Variants in SIPA1L2 observed in about 807,000 individuals in gnomAD.
SIPA1L2 encodes the protein signal-induced proliferation-associated 1-like protein 2.
A neutral mutation model predicts 163.9 loss-of-function variants in SIPA1L2; 56 were observed. The observed-to-expected ratio is 0.34, with a 90% CI of 0.28 to 0.43. The LOEUF (loss-of-function observed/expected upper bound fraction) is 0.43. Among genes scored for constraint, SIPA1L2 ranks in the 20% least tolerant of loss-of-function variants. The pLI is 1.00. For missense variants in SIPA1L2, 1,974 were observed against 2,193.5 expected (o/e 0.90, Z 2.00); for synonymous variants, 877 against 865.7 (o/e 1.01, Z -0.23).
At chr1:232,481,518 G>A (rs1665358210) in intron 6 of SIPA1L2, among the ~76,000 whole-genome samples, 1 of 152,148 alleles carries the variant, frequency 6.6e-6, no homozygotes, top group South Asian at 2.1e-4. Context: ...TCTTTCTCAA[G>A]CCATACTAAA....
intron 3 of SIPA1L2, among the ~76,000 whole-genome samples, chr1:232,494,351 G>A (rs922617755): frequency 1.3e-5 from 2 of 152,148 alleles, no homozygotes; most frequent in African/African-American, 4.8e-5. Flanking sequence ...ACATGGAAAG[G>A]GTGGCACCTG....
Position 232,582,020 on chromosome 1 carries a change from C to T in SIPA1L2, c.-318-7798G>A, listed in dbSNP as rs532184373. ...TGTAACTTCTTGATAGATATGTCTG[C>T]AACCTTCAACTGTGAATTCTTAATG... On this transcript the variant is annotated intron_variant, in intron 1 of 22. Coordinates refer to ENST00000674635, the MANE Select transcript of SIPA1L2 (RefSeq NM_020808.5). Among the ~76,000 whole-genome samples the T allele has an allele frequency of 3.9e-5, 6 of 152,306 alleles. No homozygotes were observed. In the South Asian group the frequency reaches 1.2e-3, roughly 32 times the overall value.
At chr1:232,466,002 A>C (rs1379445362) in intron 8 of SIPA1L2, among the ~76,000 whole-genome samples, 2 of 152,084 alleles carry the variant, frequency 1.3e-5, no homozygotes, top group African/African-American at 4.8e-5. Context: ...TAGAACTCTG[A>C]GAAAATAAAA....
At chr1:232,621,398 T>C (rs1215164988) in intron 1 of SIPA1L2, among the ~76,000 whole-genome samples, 1 of 152,164 alleles carries the variant, frequency 6.6e-6, no homozygotes, top group African/African-American at 2.4e-5. Context: ...GTCTTTTCAT[T>C]CTTTCCTTTC....
intron 16 of SIPA1L2, 42 bp downstream of exon 16, chr1:232,432,205 A>G (rs753797844): frequency 1.4e-5 from 21 of 1,536,612 alleles, no homozygotes; most frequent in Non-Finnish European, 1.5e-5. Context: ...CAATCCCTAC[A>G]GTGAAAAATG....
At chr1:232,483,748 T>C in intron 6 of SIPA1L2, 44 bp downstream of exon 6, 1 of 1,608,838 alleles carries the variant, frequency 6.2e-7, no homozygotes, top group Non-Finnish European at 8.5e-7. Flanking sequence ...CATGCCTACC[T>C]TTGGAGAATT....
In SIPA1L2 at chr1:232,425,599, C is replaced by A. The variant is rs1467888022; in HGVS notation, c.4620G>T (p.Gly1540=). 2.5e-6 allele frequency: 4 copies of A among 1,587,198 alleles called. No homozygotes were observed. Among genetic ancestry groups the A allele is most frequent in the Non-Finnish European group, 3.4e-6 (4 of 1,164,612 alleles). ...PPRAHPAPSM[G]SLRNEFWFSD... is the part of the protein sequence containing the mutation. ...CAGCCCCTCACTTACTTCTCAGGCT[C>A]CCCATGCTGGGTGCGGGGTGGGCCC... is the stretch of plus-strand genomic sequence containing the variant. The change falls in exon 18 of 23, where the codon GGG becomes GGT. Residue 1540 remains glycine, a synonymous_variant. Transcript: ENST00000674635.
intron 1 of SIPA1L2, among the ~76,000 whole-genome samples, chr1:232,619,582 T>C (rs6663839): frequency 0.029 from 4,352 of 152,284 alleles, 156 homozygotes; most frequent in African/African-American, 0.083. Context: ...GACTAAATTC[T>C]AAGAGTCAGT....
At position 232,461,033 on chromosome 1, in the gene SIPA1L2, A is replaced by G. The variant is rs1664208878; in HGVS notation, c.2949T>C (p.Ala983=). The change falls in exon 10 of 23, where the codon GCT becomes GCC. Residue 983 remains alanine, a synonymous_variant. Coordinates refer to ENST00000674635, the MANE Select transcript of SIPA1L2 (RefSeq NM_020808.5). ...CGAGGCGGCTCCCTTGGCGAAGGCC[A>G]GCCTTCCAGGCAAAGCCAAAAGGTT... ...DVEPFGFAWK[A]GLRQGSRLVE... is the part of the protein sequence containing the mutation. 6.2e-7 allele frequency: 1 copy of G among 1,614,184 alleles called. No homozygotes were observed. Among genetic ancestry groups the G allele is most frequent in the African/African-American group, 1.3e-5 (1 of 74,964 alleles).
chr1:232,522,734 G>C (rs1667513378), intron 2 of SIPA1L2, among the ~76,000 whole-genome samples: 1 of 152,058 alleles, frequency 6.6e-6, no homozygotes, highest in Admixed American at 6.6e-5. Context: ...TATTTCAAAG[G>C]ATTATTCTAA....
At chr1:232,589,990 C>A (rs191463348) in intron 1 of SIPA1L2, among the ~76,000 whole-genome samples, 1 of 152,156 alleles carries the variant, frequency 6.6e-6, no homozygotes, top group Non-Finnish European at 1.5e-5. Flanking sequence ...CCAAGGAGGA[C>A]GAATCACAGA....
At chr1:232,594,678 C>T (rs973088735) in intron 1 of SIPA1L2, among the ~76,000 whole-genome samples, 66 of 152,110 alleles carry the variant, frequency 4.3e-4, no homozygotes, top group African/African-American at 1.5e-3. Context: ...AATCAATAAG[C>T]TCCCTTGTTC....
At chr1:232,491,577 C>T (rs1484683519) in intron 4 of SIPA1L2, among the ~76,000 whole-genome samples, 1 of 152,142 alleles carries the variant, frequency 6.6e-6, no homozygotes, top group Non-Finnish European at 1.5e-5. Context: ...CAGGGTGATT[C>T]AGGGCTGAGA....
intron 22 of SIPA1L2, among the ~76,000 whole-genome samples, chr1:232,402,186 T>C (rs1660383599): frequency 6.6e-6 from 1 of 152,170 alleles, no homozygotes; most frequent in African/African-American, 2.4e-5. Flanking sequence ...CTCATATCCA[T>C]TGAGATCCCT....
At chr1:232,572,321 C>T (rs1394033266) in intron 2 of SIPA1L2, among the ~76,000 whole-genome samples, 1 of 152,152 alleles carries the variant, frequency 6.6e-6, no homozygotes, top group Non-Finnish European at 1.5e-5. Context: ...TTGGTTTTTC[C>T]TTAAACCTAG....
intron 10 of SIPA1L2, among the ~76,000 whole-genome samples, chr1:232,456,862 C>A (rs1359612943): frequency 6.6e-6 from 1 of 152,126 alleles, no homozygotes; most frequent in African/African-American, 2.4e-5. Context: ...GAGTACTATT[C>A]CCAAACTGCT....
At chr1:232,595,772 T>C (rs1661228503) in intron 1 of SIPA1L2, among the ~76,000 whole-genome samples, 2 of 152,220 alleles carry the variant, frequency 1.3e-5, no homozygotes, top group Admixed American at 1.3e-4. Context: ...AAACCCTTTT[T>C]AGGGTTTTAG....
At chr1:232,561,936 G>C (rs1467658420) in intron 2 of SIPA1L2, among the ~76,000 whole-genome samples, 1 of 152,210 alleles carries the variant, frequency 6.6e-6, no homozygotes, top group African/African-American at 2.4e-5. Flanking sequence ...ACCTTTTCCA[G>C]GGCCAGAGGT....
In SIPA1L2 at chr1:232,528,043, T is replaced by C. The variant is rs368434983; in HGVS notation, c.-269-12435A>G. Among the ~76,000 whole-genome samples, 53 of 144,902 alleles carry C rather than the reference T, an allele frequency of 3.7e-4. No individual in the cohort carries two copies. In the Middle Eastern group the frequency reaches 0.012, roughly 32 times the overall value. The stretch of plus-strand genomic sequence containing the variant: ...CTGAGACAAACAGAACACCCAACAG[T>C]GAAAACTGATCTCTTGTTAGCAAGT... On this transcript the variant is annotated intron_variant, in intron 2 of 22. Transcript: ENST00000674635.
Sources: allele counts gnomAD v4.1 joint callset (sites outside exome capture counted in the v4.1 genomes callset), GRCh38; gene constraint gnomAD v4.1.1; transcripts MANE v1.5; gene names NCBI Gene and HGNC (gene_info 2026-07-23, HGNC 2026-07-21).